IKZF2: variants seen among roughly 807,000 people sequenced by gnomAD.
IKZF2 encodes the protein zinc finger protein Helios.
A neutral mutation model predicts 49.2 loss-of-function variants in IKZF2; 15 were observed. The observed-to-expected ratio is 0.30, with a 90% confidence interval of 0.20 to 0.47. The LOEUF is 0.47. Among genes scored for constraint, IKZF2 ranks in the 20% least tolerant of loss-of-function variants. IKZF2 has a pLI of 1.00. For missense variants in IKZF2, 567 were observed against 664.6 expected, an observed-to-expected ratio of 0.85 and a Z score of 1.61; for synonymous variants, 227 against 221.4, an observed-to-expected ratio of 1.03 and a Z score of -0.23.
chr2:213,145,172 T>C (rs985747736), intron 4 of IKZF2, among the ~76,000 whole-genome samples: 1 of 138,512 alleles, frequency 7.2e-6, no homozygotes, highest in Non-Finnish European at 1.6e-5. Flanking sequence ...GCTGTTTTAC[T>C]AAAAAAAAAA....
chr2:213,050,805 G>A (rs1480187475), intron 5 of IKZF2, among the ~76,000 whole-genome samples: 1 of 151,920 alleles, frequency 6.6e-6, no homozygotes, highest in Non-Finnish European at 1.5e-5. Context: ...TGGCAAGTAG[G>A]ATCAAATTGA....
At chr2:213,066,777 A>C (rs13008903) in intron 4 of IKZF2, among the ~76,000 whole-genome samples, 3,370 of 152,202 alleles carry the variant, frequency 0.022, 63 homozygotes, top group African/African-American at 0.05. Flanking sequence ...TGAGCATTTT[A>C]AGTAGGATTA....
chr2:213,005,011 A>G lies in IKZF2; in HGVS notation c.*2349T>C, dbSNP rs982371193. On this transcript the variant is annotated 3_prime_UTR_variant, in exon 9 of 9. Coordinates refer to ENST00000434687, the MANE Select transcript of IKZF2 (RefSeq NM_001387220.1). ...TATACTGAAAAAAAAATAAGTAGGA[A>G]GAAAATTCATAGATAATGCCAGCAG... The G allele has an allele frequency of 2.0e-5, 3 of 152,430 alleles. No homozygotes were observed. Among genetic ancestry groups the G allele is most frequent in the African/African-American group, 7.2e-5 (3 of 41,440 alleles). 9.4% of individuals were successfully genotyped at this position (152,430 alleles called of 1,614,324 possible). A position where few individuals can be genotyped will look rare whatever the true frequency, so the allele number is the denominator to read the frequency against.
intron 4 of IKZF2, among the ~76,000 whole-genome samples, chr2:213,114,927 C>CA (rs5838366): frequency 0.47 from 65,315 of 138,748 alleles, 15,089 homozygotes; most frequent in East Asian, 0.73. Context: ...GACTCCATCT[C>CA]AAAAAAAAAA....
At chr2:213,036,618 T>A (rs1017428750) in intron 6 of IKZF2, among the ~76,000 whole-genome samples, 2 of 152,138 alleles carry the variant, frequency 1.3e-5, no homozygotes, top group Non-Finnish European at 2.9e-5. Context: ...CTAGGACCTT[T>A]TATTCTTATC....
In IKZF2 at chr2:213,049,891, G is replaced by C. The variant is rs772151866; in HGVS notation, c.407-11C>G. 3 of 1,532,594 alleles carry C rather than the reference G, an allele frequency of 2.0e-6. No individual in the cohort carries two copies. The African/African-American group carries it at 4.1e-5, about 21-fold the overall frequency. 94.9% of individuals were successfully genotyped at this position (1,532,594 alleles called of 1,614,324 possible). On this transcript the variant is annotated splice_polypyrimidine_tract_variant and intron_variant, in intron 5 of 8. Coordinates refer to ENST00000434687, the MANE Select transcript of IKZF2 (RefSeq NM_001387220.1). ...GGAAGGGGCGTTCACCTGCAGTAAG[G>C]AGAAGAAATGGGAAGTATCAACTAG...
At chr2:213,041,398 G>A (rs1456346887) in intron 6 of IKZF2, among the ~76,000 whole-genome samples, 1 of 152,026 alleles carries the variant, frequency 6.6e-6, no homozygotes, top group African/African-American at 2.4e-5. Flanking sequence ...CGCCTCCCGG[G>A]ATCAAGCAAT....
intron 4 of IKZF2, among the ~76,000 whole-genome samples, chr2:213,106,368 A>T (rs1376498161): frequency 6.6e-6 from 1 of 152,084 alleles, no homozygotes; most frequent in African/African-American, 2.4e-5. Context: ...GCTAGGCACA[A>T]TGGTTCACGT....
chr2:213,038,604 A>G (rs1699286561), intron 6 of IKZF2, among the ~76,000 whole-genome samples: 1 of 152,176 alleles, frequency 6.6e-6, no homozygotes, highest in Non-Finnish European at 1.5e-5. Context: ...AAGTGAAGTA[A>G]TATGGAAGCA....
chr2:213,110,223 A>G (rs1471285409), intron 4 of IKZF2, among the ~76,000 whole-genome samples: 1 of 151,976 alleles, frequency 6.6e-6, no homozygotes, highest in Non-Finnish European at 1.5e-5. Flanking sequence ...AAATAGGTAG[A>G]TATTTGAATG....
intron 4 of IKZF2, among the ~76,000 whole-genome samples, chr2:213,104,223 G>T (rs1374596751): frequency 4.0e-5 from 6 of 149,688 alleles, no homozygotes; most frequent in Non-Finnish European, 7.4e-5. Flanking sequence ...TGGTTTTAAA[G>T]CTTAGTGTGT....
chr2:213,084,546 G>C (rs574120062), intron 4 of IKZF2, among the ~76,000 whole-genome samples: 188 of 151,386 alleles, frequency 1.2e-3, no homozygotes, highest in Non-Finnish European at 1.9e-3. Context: ...TCTACAAAAA[G>C]GTTTCTGAAA....
chr2:213,131,363 G>A (rs2060468913), intron 4 of IKZF2, among the ~76,000 whole-genome samples: 1 of 152,106 alleles, frequency 6.6e-6, no homozygotes, highest in South Asian at 2.1e-4. Context: ...TCATTTTCAT[G>A]TATATCTACT....
chr2:213,100,731 A>C (rs1346819221), intron 4 of IKZF2, among the ~76,000 whole-genome samples: 2 of 152,048 alleles, frequency 1.3e-5, no homozygotes, highest in Admixed American at 6.6e-5. Context: ...TATACTTAGG[A>C]ATACTTGGCA....
At chr2:213,074,711 C>G (rs1181010077) in intron 4 of IKZF2, among the ~76,000 whole-genome samples, 1 of 152,128 alleles carries the variant, frequency 6.6e-6, no homozygotes, top group African/African-American at 2.4e-5. Flanking sequence ...AATCTAGATT[C>G]TGTTCTGTAC....
intron 4 of IKZF2, among the ~76,000 whole-genome samples, chr2:213,102,884 G>C (rs948390295): frequency 6.6e-6 from 1 of 151,978 alleles, no homozygotes; most frequent in South Asian, 2.1e-4. Context: ...GTGAGAAATG[G>C]GCAGCCTTTC....
At chr2:213,122,336 C>G (rs1046337387) in intron 4 of IKZF2, among the ~76,000 whole-genome samples, 1 of 152,194 alleles carries the variant, frequency 6.6e-6, no homozygotes, top group Non-Finnish European at 1.5e-5. Flanking sequence ...CAAGTCCCTG[C>G]ACATATACTA....
chr2:213,054,337 T>C (rs539757285), intron 5 of IKZF2, among the ~76,000 whole-genome samples: 1 of 152,334 alleles, frequency 6.6e-6, no homozygotes, highest in South Asian at 2.1e-4. Context: ...GTATCTTTAA[T>C]ATGAGAGATA....
At position 213,007,343 on chromosome 2, in the gene IKZF2, C is replaced by A; in HGVS notation, c.*17G>T. The A allele has an allele frequency of 6.2e-7, 1 of 1,608,612 alleles. No individual in the cohort carries two copies. The highest frequency in any genetic ancestry group is 8.5e-7 in the Non-Finnish European group (1 of 1,177,448). On this transcript the variant is annotated 3_prime_UTR_variant, in exon 9 of 9. Transcript: ENST00000434687. ...CAGTTCTTTACTTCATAGGGGTCCC[C>A]TTTGGAATGAAAAGGCCTAGTGGAA...
Sources: allele counts gnomAD v4.1 joint callset (sites outside exome capture counted in the v4.1 genomes callset), GRCh38; gene constraint gnomAD v4.1.1; transcripts MANE v1.5; gene names NCBI Gene and HGNC (gene_info 2026-07-23, HGNC 2026-07-21).